PTPN13: variants seen among roughly 807,000 people sequenced by gnomAD.
PTPN13 encodes protein tyrosine phosphatase non-receptor type 13.
In PTPN13, 191 loss-of-function variants were observed where a neutral mutation model predicts 284.0. That is an observed-to-expected ratio of 0.67 (90% confidence interval 0.60 to 0.76). PTPN13 has a LOEUF of 0.76. PTPN13 is among the 30% of genes least tolerant of loss of function. The pLI, the probability that PTPN13 is intolerant of heterozygous loss-of-function variation, is 0.00. For missense variants in PTPN13, 2,797 were observed against 2,939.9 expected (o/e 0.95, Z 1.12); for synonymous variants, 986 against 1,022.3 (o/e 0.96, Z 0.68).
At chr4:86,668,311 A>G (rs1727320064) in intron 2 of PTPN13, among the ~76,000 whole-genome samples, 1 of 152,176 alleles carries the variant, frequency 6.6e-6, no homozygotes, top group Admixed American at 6.5e-5. Context: ...CATTTGCTTT[A>G]AATTTCTTCC....
At chr4:86,712,710 C>A (rs1029205324) in intron 7 of PTPN13, among the ~76,000 whole-genome samples, 1 of 151,988 alleles carries the variant, frequency 6.6e-6, no homozygotes, top group Non-Finnish European at 1.5e-5. Flanking sequence ...AGGTAATAAC[C>A]TCCTCCCCGA....
rs552810804 is a variant in PTPN13, at chr4:86,720,355, G to A, written c.1386-1857G>A. ...TTTTATTCAAGGAAACATTAAGGCC[G>A]CCATATTTGTCAAATCTATGTTTAA... On this transcript the variant is annotated intron_variant, in intron 9 of 47. Transcript: ENST00000411767. Among the ~76,000 whole-genome samples, 15 of 152,106 alleles carry A rather than the reference G, an allele frequency of 9.9e-5. No individual in the cohort carries two copies. In the South Asian group the frequency reaches 2.3e-3, roughly 23 times the overall value.
At chr4:86,744,380 CAT>C (rs371981576) in intron 16 of PTPN13, among the ~76,000 whole-genome samples, 15 of 152,202 alleles carry the variant, frequency 9.9e-5, no homozygotes, top group African/African-American at 3.1e-4. Flanking sequence ...TGTTTGTAAA[CAT>C]TACCATAAAT....
chr4:86,612,996 A>G (rs911250394), intron 1 of PTPN13, among the ~76,000 whole-genome samples: 4 of 152,226 alleles, frequency 2.6e-5, no homozygotes, highest in Non-Finnish European at 4.4e-5. Flanking sequence ...GCAGTAGGGT[A>G]ATGATACCAA....
chr4:86,803,636 A>G (rs1213091335), intron 42 of PTPN13, 73 bp from the exon 43 acceptor site: 2 of 1,463,276 alleles, frequency 1.4e-6, no homozygotes, highest in Non-Finnish European at 1.9e-6. Context: ...TGAGGTGAAC[A>G]TAGGCTGAAA....
intron 47 of PTPN13, 113 bp downstream of exon 47, chr4:86,811,221 C>T: frequency 9.7e-7 from 1 of 1,027,828 alleles, no homozygotes; most frequent in Non-Finnish European, 1.3e-6. Flanking sequence ...GAGCATAAAA[C>T]CAAACATTTA....
intron 1 of PTPN13, among the ~76,000 whole-genome samples, chr4:86,623,656 A>T (rs1266944638): frequency 1.3e-5 from 2 of 152,132 alleles, no homozygotes; most frequent in Admixed American, 6.6e-5. Context: ...AACATTTGGG[A>T]TTATGACTTT....
At chr4:86,716,978 A>T (rs760905137) in intron 8 of PTPN13, 46 bp from the exon 9 acceptor site, 4 of 1,330,498 alleles carry the variant, frequency 3.0e-6, no homozygotes. Context: ...AATTACTCTC[A>T]TGTTTCTATC....
chr4:86,674,407 C>G (rs993424590), intron 3 of PTPN13, among the ~76,000 whole-genome samples: 1 of 152,284 alleles, frequency 6.6e-6, no homozygotes, highest in Admixed American at 6.5e-5. Context: ...TAATTGCCAT[C>G]TAAAGGAATT....
chr4:86,629,769 CT>C (rs960196818), intron 1 of PTPN13, among the ~76,000 whole-genome samples: 7 of 150,416 alleles, frequency 4.7e-5, no homozygotes, highest in African/African-American at 9.7e-5. Flanking sequence ...CTATGTCTTA[CT>C]TTTTTTTTAA....
At chr4:86,601,285 T>G (rs1764274385) in intron 1 of PTPN13, among the ~76,000 whole-genome samples, 1 of 152,084 alleles carries the variant, frequency 6.6e-6, no homozygotes, top group Non-Finnish European at 1.5e-5. Context: ...CAGATAAAAC[T>G]ATTGTAGCTA....
intron 40 of PTPN13, among the ~76,000 whole-genome samples, chr4:86,792,235 G>A (rs916651248): frequency 6.6e-6 from 1 of 152,108 alleles, no homozygotes; most frequent in African/African-American, 2.4e-5. Context: ...TCGCCGATTC[G>A]ATCAAGTAGA....
intron 4 of PTPN13, among the ~76,000 whole-genome samples, chr4:86,688,225 A>G (rs1729645775): frequency 6.6e-6 from 1 of 152,168 alleles, no homozygotes; most frequent in Non-Finnish European, 1.5e-5. Context: ...AGTCATAGGA[A>G]AGGCATTTGT....
chr4:86,807,935 C>G, intron 45 of PTPN13, 38 bp downstream of exon 45: 1 of 1,535,992 alleles, frequency 6.5e-7, no homozygotes, highest in South Asian at 1.2e-5. Flanking sequence ...GAAGGTGTAT[C>G]TCCTAGTTGT....
intron 40 of PTPN13, among the ~76,000 whole-genome samples, chr4:86,791,947 C>A (rs921054024): frequency 1.3e-5 from 2 of 152,138 alleles, no homozygotes; most frequent in Non-Finnish European, 2.9e-5. Flanking sequence ...AGTGCCTCTT[C>A]TCCTCCAAAG....
At chr4:86,782,590 A>G (rs1381480154) in intron 37 of PTPN13, among the ~76,000 whole-genome samples, 1 of 152,214 alleles carries the variant, frequency 6.6e-6, no homozygotes, top group Non-Finnish European at 1.5e-5. Flanking sequence ...AGAGAAGAAT[A>G]ATATAATTAA....
chr4:86,706,439 T>C (rs1191481227), intron 7 of PTPN13, among the ~76,000 whole-genome samples: 1 of 152,158 alleles, frequency 6.6e-6, no homozygotes. Flanking sequence ...AAGATAGTAT[T>C]AGGAAAGGCT....
intron 1 of PTPN13, among the ~76,000 whole-genome samples, chr4:86,627,137 A>G (rs1372201237): frequency 1.3e-5 from 2 of 152,152 alleles, no homozygotes; most frequent in Non-Finnish European, 2.9e-5. Context: ...GATTCCACTC[A>G]TATGAAATAT....
chr4:86,680,498 A>G (rs1360210397), intron 3 of PTPN13, among the ~76,000 whole-genome samples: 2 of 151,754 alleles, frequency 1.3e-5, no homozygotes, highest in African/African-American at 2.4e-5. Context: ...AGCCCTTCTA[A>G]TTCTTTCCTC....
Sources: gnomAD v4.1 joint callset for allele counts (sites outside exome capture counted in the v4.1 genomes callset) on GRCh38, gnomAD v4.1.1 for gene constraint, MANE v1.5 for transcripts, NCBI Gene and HGNC (gene_info 2026-07-23, HGNC 2026-07-21) for gene names.